GPC6: variants seen among roughly 807,000 people sequenced by gnomAD.
GPC6 encodes glypican 6, also known as glypican-6.
A neutral mutation model predicts 55.2 loss-of-function variants in GPC6; 14 were observed. The ratio of observed to expected loss-of-function variants is 0.25; its 90% confidence interval spans 0.17 to 0.40. The LOEUF is 0.40. Ranked by LOEUF, GPC6 falls within the 10% of genes least tolerant of loss-of-function variation. GPC6 has a pLI of 1.00. For synonymous variants in GPC6, 278 were observed against 259.6 expected (o/e 1.07, Z -0.68); for missense variants, 641 against 708.5 (o/e 0.90, Z 1.08).
chr13:93,884,729 T>C (rs1875216574), intron 3 of GPC6, among the ~76,000 whole-genome samples: 1 of 152,116 alleles, frequency 6.6e-6, no homozygotes, highest in African/African-American at 2.4e-5. Flanking sequence ...CCTCCATACA[T>C]ACCCATGCAT....
chr13:94,326,252 A>C (rs749069324), intron 6 of GPC6, among the ~76,000 whole-genome samples: 3 of 150,978 alleles, frequency 2.0e-5, no homozygotes, highest in Non-Finnish European at 3.0e-5. Context: ...CATATATTCC[A>C]AAATAGAGAA....
rs772854256 is a variant in GPC6 at position 93,227,615 on chromosome 13, A to C, written c.159A>C (p.Ala53=). The C allele has an allele frequency of 6.2e-6, 10 of 1,601,226 alleles. No individual in the cohort carries two copies. In the African/African-American group the frequency reaches 1.2e-4, roughly 19 times the overall value. ...CGGACATCCCCTACCAGGAGATCGC[A>C]GGTAAGCGCGGGCGCGCTGCAGGGG... is the stretch of plus-strand genomic sequence containing the variant. The part of the protein sequence containing the change: ...SLADIPYQEI[A]GEHLRICPQE... The change falls in exon 1 of 9, where the codon GCA becomes GCC. Residue 53 remains alanine, a splice_region_variant and synonymous_variant. Coordinates refer to ENST00000377047, the MANE Select transcript of GPC6 (RefSeq NM_005708.5). This position sits in a 1 kb window ranked among gnomAD's most constrained non-coding sequence, Gnocchi z 4.3.
chr13:93,360,084 G>A (rs947885637), intron 1 of GPC6, among the ~76,000 whole-genome samples: 1 of 152,090 alleles, frequency 6.6e-6, no homozygotes, highest in Non-Finnish European at 1.5e-5. Context: ...AGTTCCTAGA[G>A]AGAGCCAGTA....
intron 4 of GPC6, among the ~76,000 whole-genome samples, chr13:94,173,176 G>A (rs1888630895): frequency 1.3e-5 from 2 of 152,124 alleles, no homozygotes; most frequent in Non-Finnish European, 2.9e-5. Context: ...GACTGTTGAA[G>A]CTCATGGAAA....
intron 1 of GPC6, among the ~76,000 whole-genome samples, chr13:93,388,188 C>T (rs1221929259): frequency 6.6e-6 from 1 of 152,170 alleles, no homozygotes; most frequent in Non-Finnish European, 1.5e-5. Flanking sequence ...GGCTTCTTGG[C>T]TCCAGGGTGC....
chr13:93,921,594 C>T (rs1449607864), intron 3 of GPC6, among the ~76,000 whole-genome samples: 2 of 151,850 alleles, frequency 1.3e-5, no homozygotes, highest in Non-Finnish European at 2.9e-5. Context: ...CCGAATTCCT[C>T]TCAATATTCA....
intron 2 of GPC6, among the ~76,000 whole-genome samples, chr13:93,759,690 A>G (rs1314267868): frequency 2.0e-5 from 3 of 152,100 alleles, no homozygotes; most frequent in Admixed American, 2.0e-4. Flanking sequence ...TATTTTCAGA[A>G]TTTCCTCCTA....
chr13:93,614,066 T>C (rs546967444), intron 2 of GPC6, among the ~76,000 whole-genome samples: 2 of 152,356 alleles, frequency 1.3e-5, no homozygotes, highest in East Asian at 3.9e-4. Flanking sequence ...TGTACATTTA[T>C]GTTCAAGGAG....
chr13:93,496,043 G>A (rs1880254355), intron 1 of GPC6, among the ~76,000 whole-genome samples: 1 of 152,086 alleles, frequency 6.6e-6, no homozygotes, highest in African/African-American at 2.4e-5. Context: ...GAGCTGTGGT[G>A]GGCTCCACCC....
At chr13:94,363,982 A>G (rs774369272) in intron 6 of GPC6, among the ~76,000 whole-genome samples, 5 of 152,252 alleles carry the variant, frequency 3.3e-5, no homozygotes, top group African/African-American at 4.8e-5. Flanking sequence ...AATGTTTTGA[A>G]TAAGTTGTGT....
chr13:93,658,745 A>C lies in GPC6; in HGVS notation c.319+113324A>C, dbSNP rs1207681984. Among the ~76,000 whole-genome samples, 2 of 151,752 alleles carry C rather than the reference A, an allele frequency of 1.3e-5. 1 individual carries two copies. Among genetic ancestry groups the C allele is most frequent in the Middle Eastern group, 6.3e-3 (2 of 316 alleles). On this transcript the variant is annotated intron_variant, in intron 2 of 8. Coordinates refer to ENST00000377047, the MANE Select transcript of GPC6 (RefSeq NM_005708.5). Reference sequence around the variant, plus strand: ...ATATTAAATATTATAGCATATTATAAAACATACTTAATATTAAAAACATTA... The same window carrying C: ...ATATTAAATATTATAGCATATTATACAACATACTTAATATTAAAAACATTA...
At chr13:93,301,906 T>C (rs572857830) in intron 1 of GPC6, among the ~76,000 whole-genome samples, 1 of 152,316 alleles carries the variant, frequency 6.6e-6, no homozygotes, top group African/African-American at 2.4e-5. Context: ...GATGGATTAT[T>C]TGGCATAATG....
At chr13:93,594,580 A>G (rs942983948) in intron 2 of GPC6, among the ~76,000 whole-genome samples, 3 of 152,104 alleles carry the variant, frequency 2.0e-5, no homozygotes, top group Non-Finnish European at 4.4e-5. Context: ...CTAAGATCAG[A>G]GACCTAAGGA....
At chr13:93,907,947 C>G (rs9561466) in intron 3 of GPC6, among the ~76,000 whole-genome samples, 20 of 151,990 alleles carry the variant, frequency 1.3e-4, no homozygotes, top group Admixed American at 2.6e-4. Flanking sequence ...ATTGGTATGA[C>G]AGGAATTCCT....
intron 3 of GPC6, among the ~76,000 whole-genome samples, chr13:93,870,076 A>G (rs1889083544): frequency 6.6e-6 from 1 of 151,968 alleles, no homozygotes; most frequent in South Asian, 2.1e-4. Context: ...TGAATCCTTA[A>G]CTGCCTCCCA....
At chr13:94,116,490 C>T (rs1886433096) in intron 4 of GPC6, among the ~76,000 whole-genome samples, 1 of 152,064 alleles carries the variant, frequency 6.6e-6, no homozygotes, top group Non-Finnish European at 1.5e-5. Flanking sequence ...AATTCACATG[C>T]ATAAAAGGTG....
At chr13:93,372,509 T>C (rs1474159768) in intron 1 of GPC6, among the ~76,000 whole-genome samples, 2 of 152,184 alleles carry the variant, frequency 1.3e-5, no homozygotes, top group African/African-American at 2.4e-5. Flanking sequence ...TCTTTGTACC[T>C]CACTTAGCCA....
At chr13:93,812,142 T>TGGGGGGGGG (rs35966772) in intron 2 of GPC6, among the ~76,000 whole-genome samples, 4 of 73,778 alleles carry the variant, frequency 5.4e-5, no homozygotes. Context: ...TGCAAGGCGG[T>TGGGGGGGGG]GGGGGGGGGG....
intron 2 of GPC6, among the ~76,000 whole-genome samples, chr13:93,692,648 TCA>T (rs982611651): frequency 6.6e-6 from 1 of 152,112 alleles, no homozygotes; most frequent in African/African-American, 2.4e-5. Flanking sequence ...ACTTATTTTC[TCA>T]CTCTTTTTTC....
Sources: gnomAD v4.1 joint callset for allele counts (sites outside exome capture counted in the v4.1 genomes callset) on GRCh38, gnomAD v4.1.1 for gene constraint, Gnocchi (gnomAD v3.1) non-coding constraint, MANE v1.5 for transcripts, NCBI Gene and HGNC (gene_info 2026-07-23, HGNC 2026-07-21) for gene names.